PAFAH1B1: variants seen among roughly 807,000 people sequenced by gnomAD.
The protein encoded by PAFAH1B1 is platelet-activating factor acetylhydrolase IB subunit beta.
Under a neutral mutation model 57.5 loss-of-function variants are expected in PAFAH1B1, and 2 were observed. That is an observed-to-expected ratio of 0.03 (90% CI 0.01 to 0.11). The LOEUF (loss-of-function observed/expected upper bound fraction) is 0.11. PAFAH1B1 is among the 10% of genes least tolerant of loss of function. The pLI, the probability that PAFAH1B1 is intolerant of heterozygous loss-of-function variation, is 1.00. For synonymous variants in PAFAH1B1, 152 were observed against 169.6 expected (o/e 0.90, Z 0.81); for missense variants, 257 against 512.0 (o/e 0.50, Z 4.81).
At chr17:2,612,950 G>T (rs933827953) in intron 1 of PAFAH1B1, among the ~76,000 whole-genome samples, 7 of 146,190 alleles carry the variant, frequency 4.8e-5, no homozygotes, top group Non-Finnish European at 1.0e-4. Context: ...AATGTTTGTT[G>T]TTTGTTTTTT....
intron 4 of PAFAH1B1, 93 bp downstream of exon 4, chr17:2,666,183 T>G: frequency 8.8e-7 from 1 of 1,132,554 alleles, no homozygotes; most frequent in South Asian, 1.5e-5. Context: ...TAATTGCATC[T>G]AATCTTTAAA....
Position 2,617,634 on chromosome 17 carries a change from G to A in PAFAH1B1, c.-190-20465G>A, listed in dbSNP as rs2068362374. Among the ~76,000 whole-genome samples the A allele has an allele frequency of 3.3e-5, 5 of 152,214 alleles. 1 individual carries two copies. In the South Asian group the frequency reaches 1.0e-3, roughly 32 times the overall value. On this transcript the variant is annotated intron_variant, in intron 1 of 10. Coordinates refer to ENST00000397195, the MANE Select transcript of PAFAH1B1 (RefSeq NM_000430.4). The stretch of plus-strand genomic sequence containing the variant: ...TAGACGTGTTAAAGTCTCAGTGTTT[G>A]AGGCCAGGCATGGTGGCTCACGCCT...
rs190417921 is a variant in PAFAH1B1, at chr17:2,615,294, A to C, written c.-191+21288A>C. On this transcript the variant is annotated intron_variant, in intron 1 of 10. Coordinates refer to ENST00000397195, the MANE Select transcript of PAFAH1B1 (RefSeq NM_000430.4). ...ATCCGGGGGGTCCTGGAATGACTGT[A>C]CATGTGTATAATATACAACAACTGA... 1.7e-3 allele frequency among the ~76,000 whole-genome samples: 252 copies of C among 152,342 alleles called. 1 individual carries two copies. In the Middle Eastern group the frequency reaches 0.02, roughly 12 times the overall value.
At chr17:2,628,503 T>C (rs1409085147) in intron 1 of PAFAH1B1, among the ~76,000 whole-genome samples, 1 of 152,186 alleles carries the variant, frequency 6.6e-6, no homozygotes, top group African/African-American at 2.4e-5. Flanking sequence ...GATTTTAGCA[T>C]CTATGTTCAT....
intron 1 of PAFAH1B1, among the ~76,000 whole-genome samples, chr17:2,619,199 T>C (rs182087021): frequency 2.2e-3 from 329 of 152,198 alleles, no homozygotes; most frequent in African/African-American, 7.7e-3. Flanking sequence ...TCCTAGGCTT[T>C]CGTGTAGCGG....
intron 2 of PAFAH1B1, among the ~76,000 whole-genome samples, 154 bp from the exon 3 acceptor site, chr17:2,665,217 CG>C (rs1323671607): frequency 6.6e-6 from 1 of 151,862 alleles, no homozygotes; most frequent in Non-Finnish European, 1.5e-5. Flanking sequence ...GGAGGCTTTG[CG>C]GGGGTGTCCT....
At chr17:2,640,503 G>C (rs897804477) in intron 2 of PAFAH1B1, 1 of 147,888 alleles carries the variant, frequency 6.8e-6, no homozygotes, top group Non-Finnish European at 1.5e-5. Flanking sequence ...TCGGGCTGGA[G>C]TGCAATGGTG....
At chr17:2,644,706 C>T (rs1448018362) in intron 2 of PAFAH1B1, among the ~76,000 whole-genome samples, 1 of 152,012 alleles carries the variant, frequency 6.6e-6, no homozygotes, top group East Asian at 1.9e-4. Flanking sequence ...ATATGTGTAC[C>T]TTTGTATTAT....
rs372042350 is a variant in PAFAH1B1, at chr17:2,661,600, G to C, written c.33-3772G>C. On this transcript the variant is annotated intron_variant, in intron 2 of 10. Coordinates refer to ENST00000397195, the MANE Select transcript of PAFAH1B1 (RefSeq NM_000430.4). ...TAGTTTGAAGTCAGGTAGTACGTGT[G>C]ATGCCTCCAGCTTTGTTCTTTTTGC... Among the ~76,000 whole-genome samples, 6 of 152,148 alleles carry C rather than the reference G, an allele frequency of 3.9e-5. 1 individual carries two copies. The East Asian group carries it at 1.2e-3, about 29-fold the overall frequency.
Position 2,623,201 on chromosome 17 carries a change from T to G in PAFAH1B1, c.-190-14898T>G, listed in dbSNP as rs547734023. Among the ~76,000 whole-genome samples the G allele has an allele frequency of 4.6e-5, 7 of 152,280 alleles. No homozygotes were observed. In the East Asian group the frequency reaches 1.3e-3, roughly 29 times the overall value. ...TGGGGATTAACATTAGGCTCCTTGC[T>G]TCTTATGCAGATTTCTGCAGCCAGC... On this transcript the variant is annotated intron_variant, in intron 1 of 10. Coordinates refer to ENST00000397195, the MANE Select transcript of PAFAH1B1 (RefSeq NM_000430.4).
At chr17:2,626,677 C>T (rs1274276784) in intron 1 of PAFAH1B1, among the ~76,000 whole-genome samples, 1 of 150,922 alleles carries the variant, frequency 6.6e-6, no homozygotes, top group African/African-American at 2.4e-5. Context: ...GCCTCAGCCT[C>T]CCAAGTAGCT....
At chr17:2,670,934 T>C (rs1597572346) in intron 6 of PAFAH1B1, among the ~76,000 whole-genome samples, 1 of 152,178 alleles carries the variant, frequency 6.6e-6, no homozygotes, top group East Asian at 1.9e-4. Flanking sequence ...AGAGTTGTCA[T>C]GAGGATAAGA....
At chr17:2,633,571 A>G (rs754640916) in intron 1 of PAFAH1B1, among the ~76,000 whole-genome samples, 2 of 152,082 alleles carry the variant, frequency 1.3e-5, no homozygotes, top group Non-Finnish European at 2.9e-5. Flanking sequence ...CTGCTTTTCA[A>G]TATTTTCATC....
intron 1 of PAFAH1B1, among the ~76,000 whole-genome samples, chr17:2,616,010 T>A (rs1053534759): frequency 6.6e-6 from 1 of 152,022 alleles, no homozygotes; most frequent in African/African-American, 2.4e-5. Flanking sequence ...AAAAACTTAG[T>A]GGAAAGAAAG....
At chr17:2,663,808 C>G (rs564888764) in intron 2 of PAFAH1B1, among the ~76,000 whole-genome samples, 2 of 151,744 alleles carry the variant, frequency 1.3e-5, no homozygotes, top group Admixed American at 1.3e-4. Context: ...AGCAATTCTG[C>G]GTCAGTCTTC....
intron 2 of PAFAH1B1, among the ~76,000 whole-genome samples, chr17:2,664,073 C>T (rs2069060764): frequency 6.6e-6 from 1 of 152,198 alleles, no homozygotes; most frequent in Non-Finnish European, 1.5e-5. Flanking sequence ...AGCCACTGCG[C>T]TGGCCTAACC....
intron 2 of PAFAH1B1, among the ~76,000 whole-genome samples, chr17:2,647,207 G>T (rs1204955502): frequency 6.6e-6 from 1 of 152,104 alleles, no homozygotes; most frequent in Non-Finnish European, 1.5e-5. Context: ...AAAATTAGCT[G>T]GGCGTCGTGG....
chr17:2,609,969 C>T (rs138307036), intron 1 of PAFAH1B1, among the ~76,000 whole-genome samples: 22 of 152,270 alleles, frequency 1.4e-4, no homozygotes, highest in Non-Finnish European at 2.8e-4. Flanking sequence ...GGATTACGGG[C>T]GTGTGCTACC....
At chr17:2,663,328 A>T (rs2069046333) in intron 2 of PAFAH1B1, among the ~76,000 whole-genome samples, 1 of 152,152 alleles carries the variant, frequency 6.6e-6, no homozygotes, top group East Asian at 1.9e-4. Flanking sequence ...GATTAGTAGC[A>T]AGCCCCAGAA....
Sources: gnomAD v4.1 joint callset for allele counts (sites outside exome capture counted in the v4.1 genomes callset) on GRCh38, gnomAD v4.1.1 for gene constraint, MANE v1.5 for transcripts, NCBI Gene and HGNC (gene_info 2026-07-23, HGNC 2026-07-21) for gene names.